The following TDG variants were observed in gnomAD, a reference collection of about 807,000 sequenced individuals.
The protein encoded by TDG is G/T mismatch-specific thymine DNA glycosylase.
Under a neutral mutation model 46.1 loss-of-function variants are expected in TDG, and 23 were observed. That is an observed-to-expected ratio of 0.50 (90% CI 0.36 to 0.71). The LOEUF (loss-of-function observed/expected upper bound fraction) is 0.71, where lower values mean the gene tolerates loss of function less well. Among genes scored for constraint, TDG ranks in the 30% least tolerant of loss-of-function variants. The probability of loss-of-function intolerance (pLI) is 0.00; values close to 1 mark genes in which losing one functional copy is unlikely to be tolerated. For synonymous variants in TDG, 115 were observed against 161.3 expected (o/e 0.71, Z 2.18); for missense variants, 304 against 486.7 (o/e 0.62, Z 3.53).
chr12:103,980,628 G>A, intron 3 of TDG: 1 of 335,872 alleles, frequency 3.0e-6, no homozygotes, highest in Admixed American at 4.5e-5. Context: ...AGCCCAGTTG[G>A]TGAGGGTGCG....
chr12:103,971,594 A>T (rs1012250850), intron 1 of TDG, among the ~76,000 whole-genome samples: 1 of 152,118 alleles, frequency 6.6e-6, no homozygotes, highest in Non-Finnish European at 1.5e-5. Context: ...AAAACAATCT[A>T]TGAGCGCTGC....
At chr12:103,966,762 G>C (rs1425094699) in intron 1 of TDG, among the ~76,000 whole-genome samples, 1 of 152,090 alleles carries the variant, frequency 6.6e-6, no homozygotes, top group Non-Finnish European at 1.5e-5. Flanking sequence ...TTTTTTAAAA[G>C]ATAAAGAGTG....
At chr12:103,973,026 G>A (rs1871351719) in intron 1 of TDG, 1 of 702,690 alleles carries the variant, frequency 1.4e-6, no homozygotes, top group African/African-American at 1.7e-5. Flanking sequence ...AAGAAACATG[G>A]GAGAGTGGTA....
rs11832044 is a variant in TDG, at chr12:103,985,004, T to C, written c.964+84T>C. The C allele has an allele frequency of 2.0e-4, 233 of 1,137,842 alleles. 2 individuals carry two copies. In the South Asian group the frequency reaches 4.0e-3, roughly 19 times the overall value. 70.5% of individuals were successfully genotyped at this position (1,137,842 alleles called of 1,614,324 possible). A position where few individuals can be genotyped will look rare whatever the true frequency, so the allele number is the denominator to read the frequency against. On this transcript the variant is annotated intron_variant, in intron 8 of 9. Coordinates refer to ENST00000392872, the MANE Select transcript of TDG (RefSeq NM_003211.6). ...ACTTACATATATATACACATATACA[T>C]ATATACATATACACATATACATATG... is the stretch of plus-strand genomic sequence containing the variant.
intron 1 of TDG, among the ~76,000 whole-genome samples, chr12:103,967,023 TCTTGA>T (rs1473450888): frequency 6.6e-6 from 1 of 152,228 alleles, no homozygotes; most frequent in Non-Finnish European, 1.5e-5. Context: ...GTGGACTTTA[TCTTGA>T]CTTTGTGGAT....
chr12:103,967,486 C>T (rs1317367535), intron 1 of TDG, among the ~76,000 whole-genome samples: 2 of 143,556 alleles, frequency 1.4e-5, no homozygotes, highest in Non-Finnish European at 3.0e-5. Context: ...GAGACAGAGC[C>T]TTGCTCTGTT....
chr12:103,979,525 T>A (rs1462360818), intron 2 of TDG, among the ~76,000 whole-genome samples: 1 of 152,220 alleles, frequency 6.6e-6, no homozygotes, highest in Non-Finnish European at 1.5e-5. Context: ...TAAAATGATA[T>A]GTAGATACTT....
intron 4 of TDG, among the ~76,000 whole-genome samples, chr12:103,982,416 G>A (rs1208902468): frequency 6.6e-6 from 1 of 152,136 alleles, no homozygotes; most frequent in Non-Finnish European, 1.5e-5. Context: ...TTCTTGGGCA[G>A]GCATTTGCCT....
intron 1 of TDG, among the ~76,000 whole-genome samples, chr12:103,973,979 CTT>C (rs1871395796): frequency 6.6e-6 from 1 of 152,144 alleles, no homozygotes. Flanking sequence ...AGGTTAATCT[CTT>C]TCTCACTCAT....
At chr12:103,977,144 C>CT in intron 2 of TDG, 84 bp downstream of exon 2, 3 of 1,531,642 alleles carry the variant, frequency 2.0e-6, no homozygotes, top group Non-Finnish European at 2.6e-6. Flanking sequence ...AATTTTAGCT[C>CT]TATTTTAGTG....
intron 1 of TDG, among the ~76,000 whole-genome samples, chr12:103,970,345 G>A (rs181759258): frequency 4.9e-4 from 75 of 152,232 alleles, no homozygotes; most frequent in Non-Finnish European, 9.4e-4. Flanking sequence ...AGGCATAGAT[G>A]CATGTACCTG....
intron 4 of TDG, 100 bp downstream of exon 4, chr12:103,981,062 TG>T (rs1363714617): frequency 2.0e-6 from 2 of 991,770 alleles, no homozygotes; most frequent in African/African-American, 3.3e-5. Context: ...AGAAAGAGAC[TG>T]TAAATACACA....
At chr12:103,982,703 T>G in intron 4 of TDG, 96 bp from the exon 5 acceptor site, 3 of 1,326,430 alleles carry the variant, frequency 2.3e-6, no homozygotes, top group Non-Finnish European at 3.2e-6. Context: ...TGGTCGAGGC[T>G]GCACTGAGCC....
intron 3 of TDG, chr12:103,980,664 A>G (rs1866074): frequency 0.43 from 176,318 of 414,542 alleles, 42,741 homozygotes; most frequent in Non-Finnish European, 0.51. Context: ...AAGGAGTCAA[A>G]CTGGTTTTTT....
intron 1 of TDG, among the ~76,000 whole-genome samples, chr12:103,974,367 C>T (rs994172175): frequency 2.6e-5 from 4 of 152,104 alleles, no homozygotes; most frequent in Non-Finnish European, 5.9e-5. Flanking sequence ...ACCTTGAACT[C>T]CTAGACTCAG....
At chr12:103,977,875 C>A (rs1245811539) in intron 2 of TDG, among the ~76,000 whole-genome samples, 2 of 152,030 alleles carry the variant, frequency 1.3e-5, no homozygotes, top group South Asian at 2.1e-4. Flanking sequence ...ACCAGCCTGG[C>A]GAACATGGCA....
rs1870984378 is a variant in TDG, at chr12:103,966,018, C to CG, written c.-19dup. 1 of 1,594,988 alleles carries CG rather than the reference C, an allele frequency of 6.3e-7. No homozygotes were observed. The highest frequency in any genetic ancestry group is 8.5e-7 in the Non-Finnish European group (1 of 1,171,790). On this transcript the variant is annotated 5_prime_UTR_variant, in exon 1 of 10. Transcript: ENST00000392872. ...CGTGTGCCCGGCAGGTGGAGCCGCCCGCATCAGCGGCCTCGGGGAATGGAA... is the reference window on the plus strand; with the variant it reads ...CGTGTGCCCGGCAGGTGGAGCCGCCCGGCATCAGCGGCCTCGGGGAATGGAA...
At chr12:103,971,341 A>C (rs1871275242) in intron 1 of TDG, among the ~76,000 whole-genome samples, 1 of 152,192 alleles carries the variant, frequency 6.6e-6, no homozygotes, top group African/African-American at 2.4e-5. Flanking sequence ...AGGCGGGCAG[A>C]TCGTGAGGTC....
chr12:103,978,103 CAAG>C (rs1871627629), intron 2 of TDG, among the ~76,000 whole-genome samples: 3 of 151,854 alleles, frequency 2.0e-5, no homozygotes, highest in Admixed American at 6.6e-5. Flanking sequence ...AACTTGGAGT[CAAG>C]GAGTGGATTA....
Sources: gnomAD v4.1 joint callset for allele counts (sites outside exome capture counted in the v4.1 genomes callset) on GRCh38, gnomAD v4.1.1 for gene constraint, MANE v1.5 for transcripts, NCBI Gene and HGNC (gene_info 2026-07-23, HGNC 2026-07-21) for gene names.